The following TMEM156 variants were observed in gnomAD, a reference collection of about 807,000 sequenced individuals.
TMEM156 encodes the protein transmembrane protein 156.
TMEM156 carries 28 observed loss-of-function variants against 30.5 expected under a neutral mutation model. The ratio of observed to expected loss-of-function variants is 0.92; its 90% confidence interval spans 0.68 to 1.26. The LOEUF (loss-of-function observed/expected upper bound fraction) is 1.26. Ranked by LOEUF, TMEM156 falls within the 50% of genes most tolerant of loss-of-function variation. The pLI, the probability that TMEM156 is intolerant of heterozygous loss-of-function variation, is 0.00. For missense variants in TMEM156, 351 were observed against 340.6 expected (o/e 1.03, Z -0.24); for synonymous variants, 137 against 119.9 (o/e 1.14, Z -0.93).
chr4:38,979,640 T>C (rs543102429), intron 5 of TMEM156, among the ~76,000 whole-genome samples: 1 of 152,322 alleles, frequency 6.6e-6, no homozygotes, highest in Admixed American at 6.5e-5. Flanking sequence ...CTTTTCTCCA[T>C]CACACTTTGG....
Position 39,023,159 on chromosome 4 carries a change from GTCAGCATTCTGCAACC to G in TMEM156, c.88+9051_88+9066del, listed in dbSNP as rs1454719450. On this transcript the variant is annotated intron_variant, in intron 1 of 6. Coordinates refer to ENST00000381938, the MANE Select transcript of TMEM156 (RefSeq NM_024943.3). ...CCATCCTGTAAGAATACAAAGAAAAGTCAGCATTCTGCAACCCAGAAGAGGACCCTCATCAGAATCA... is the reference window on the plus strand; with the variant it reads ...CCATCCTGTAAGAATACAAAGAAAAGCAGAAGAGGACCCTCATCAGAATCA... 2.0e-5 allele frequency among the ~76,000 whole-genome samples: 3 copies of G among 152,116 alleles called. No individual in the cohort carries two copies. In the East Asian group the frequency reaches 5.8e-4, roughly 29 times the overall value.
chr4:38,970,182 G>GTCTGTC (rs990142975), intron 6 of TMEM156, among the ~76,000 whole-genome samples: 10 of 151,808 alleles, frequency 6.6e-5, no homozygotes, highest in East Asian at 1.9e-4. Context: ...ATGCATGCAT[G>GTCTGTC]TCTGTCTCTG....
At chr4:38,991,383 G>A (rs1473246671) in intron 3 of TMEM156, among the ~76,000 whole-genome samples, 1 of 151,390 alleles carries the variant, frequency 6.6e-6, no homozygotes, top group East Asian at 1.9e-4. Context: ...ACCACACCTA[G>A]CTTATTTTCA....
intron 5 of TMEM156, among the ~76,000 whole-genome samples, chr4:38,977,564 A>AT (rs1458660212): frequency 7.2e-5 from 11 of 152,286 alleles, no homozygotes; most frequent in African/African-American, 2.2e-4. Flanking sequence ...ACGGGTGGAA[A>AT]TTTTTTCTGG....
At chr4:39,016,683 T>C (rs1247558710) in intron 1 of TMEM156, among the ~76,000 whole-genome samples, 33 of 152,240 alleles carry the variant, frequency 2.2e-4, no homozygotes, top group Admixed American at 2.2e-3. Flanking sequence ...AATTTCCAAA[T>C]ATATTACCTA....
At chr4:38,986,451 T>C (rs757087690) in intron 4 of TMEM156, 32 bp from the exon 5 acceptor site, 3 of 1,498,524 alleles carry the variant, frequency 2.0e-6, no homozygotes. Flanking sequence ...AGTATTTAGA[T>C]GATAAACAAG....
chr4:39,005,948 T>G (rs1303249470), intron 1 of TMEM156, among the ~76,000 whole-genome samples: 8 of 152,180 alleles, frequency 5.3e-5, no homozygotes, highest in Admixed American at 5.2e-4. Context: ...CAGGCTGGAG[T>G]GCAGTGGTAC....
intron 3 of TMEM156, among the ~76,000 whole-genome samples, chr4:38,993,169 C>G (rs560553305): frequency 3.3e-5 from 5 of 152,114 alleles, no homozygotes; most frequent in African/African-American, 1.2e-4. Context: ...GTGGCTCATA[C>G]CTGTAATACC....
intron 5 of TMEM156, among the ~76,000 whole-genome samples, chr4:38,985,149 G>A: frequency 6.6e-6 from 1 of 152,178 alleles, no homozygotes; most frequent in East Asian, 1.9e-4. Context: ...CTGAGTAAGA[G>A]GGGAGCCCAG....
chr4:39,021,082 A>G (rs1421636250), intron 1 of TMEM156, among the ~76,000 whole-genome samples: 2 of 152,140 alleles, frequency 1.3e-5, no homozygotes, highest in Non-Finnish European at 2.9e-5. Context: ...TTTTTCATAT[A>G]TGTATTGGCC....
At chr4:39,020,236 G>A (rs1714771085) in intron 1 of TMEM156, among the ~76,000 whole-genome samples, 1 of 152,098 alleles carries the variant, frequency 6.6e-6, no homozygotes, top group South Asian at 2.1e-4. Context: ...TCCATATCTG[G>A]ACTATTGTGA....
chr4:39,031,776 C>T (rs1000146074), intron 1 of TMEM156, among the ~76,000 whole-genome samples: 13 of 150,572 alleles, frequency 8.6e-5, no homozygotes, highest in Middle Eastern at 6.9e-3. Flanking sequence ...CCCAGCTACT[C>T]GGAGGCTGAG....
intron 1 of TMEM156, among the ~76,000 whole-genome samples, chr4:39,019,133 G>A (rs562931781): frequency 8.8e-4 from 133 of 150,872 alleles, no homozygotes; most frequent in Admixed American, 2.4e-3. Flanking sequence ...GAGGATTTAC[G>A]TCTTTCAATG....
intron 2 of TMEM156, among the ~76,000 whole-genome samples, chr4:38,996,569 C>CT: frequency 6.6e-6 from 1 of 151,776 alleles, no homozygotes; most frequent in African/African-American, 2.4e-5. Context: ...GAAACTCCAT[C>CT]TCAAAAAGAA....
intron 1 of TMEM156, among the ~76,000 whole-genome samples, chr4:39,014,145 G>C (rs1714312693): frequency 6.6e-6 from 1 of 152,020 alleles, no homozygotes; most frequent in Non-Finnish European, 1.5e-5. Flanking sequence ...TTAAACAAAA[G>C]AGGCTGTAAA....
intron 5 of TMEM156, among the ~76,000 whole-genome samples, chr4:38,982,545 C>T (rs1042959909): frequency 1.3e-5 from 2 of 152,172 alleles, no homozygotes; most frequent in Admixed American, 6.5e-5. Context: ...TCATTTCTTG[C>T]TCATCCGCTC....
intron 3 of TMEM156, among the ~76,000 whole-genome samples, chr4:38,990,830 GTT>G (rs71304784): frequency 6.2e-5 from 5 of 81,230 alleles, no homozygotes; most frequent in African/African-American, 1.8e-4. Flanking sequence ...TTGTTTTCTG[GTT>G]TTTTTTTTTT....
intron 6 of TMEM156, among the ~76,000 whole-genome samples, chr4:38,970,318 C>T (rs1044574744): frequency 2.0e-5 from 3 of 152,168 alleles, no homozygotes; most frequent in Non-Finnish European, 4.4e-5. Flanking sequence ...ATATGCCCTT[C>T]ATTAAACTAA....
intron 1 of TMEM156, among the ~76,000 whole-genome samples, chr4:38,999,496 T>C (rs1185489827): frequency 6.6e-6 from 1 of 152,212 alleles, no homozygotes; most frequent in Non-Finnish European, 1.5e-5. Context: ...AAATAAAGAC[T>C]CAAGTCAATT....
Sources: gnomAD v4.1 joint callset for allele counts (sites outside exome capture counted in the v4.1 genomes callset) on GRCh38, gnomAD v4.1.1 for gene constraint, MANE v1.5 for transcripts, NCBI Gene and HGNC (gene_info 2026-07-23, HGNC 2026-07-21) for gene names.